The following MINK1 variants were observed in gnomAD, a reference collection of about 807,000 sequenced individuals.
The protein encoded by MINK1 is misshapen-like kinase 1.
In MINK1, 46 loss-of-function variants were observed where a neutral mutation model predicts 178.4. That is an observed-to-expected ratio of 0.26 (90% confidence interval 0.20 to 0.33). The LOEUF (loss-of-function observed/expected upper bound fraction) is 0.33, where lower values mean the gene tolerates loss of function less well. Among genes scored for constraint, MINK1 ranks in the 10% least tolerant of loss-of-function variants. The pLI is 1.00. For missense variants in MINK1, 1,366 were observed against 1,814.9 expected, an observed-to-expected ratio of 0.75 and a Z score of 4.49; for synonymous variants, 797 against 709.7, an observed-to-expected ratio of 1.12 and a Z score of -1.96.
At chr17:4,872,376 C>G (rs908993890) in intron 1 of MINK1, among the ~76,000 whole-genome samples, 1 of 151,642 alleles carries the variant, frequency 6.6e-6, no homozygotes, top group African/African-American at 2.4e-5. Flanking sequence ...TGGTGCCTCA[C>G]CCCTGTAATC....
chr17:4,861,194 G>A (rs1377717400), intron 1 of MINK1, among the ~76,000 whole-genome samples: 1 of 152,228 alleles, frequency 6.6e-6, no homozygotes, highest in African/African-American at 2.4e-5. Flanking sequence ...TGAGGCGAGT[G>A]CAGTGTCACC....
At chr17:4,864,926 C>T (rs370339541) in intron 1 of MINK1, among the ~76,000 whole-genome samples, 4 of 152,282 alleles carry the variant, frequency 2.6e-5, no homozygotes, top group African/African-American at 7.2e-5. Flanking sequence ...TTTCCTGGCT[C>T]CCCAGCCTCG....
intron 1 of MINK1, among the ~76,000 whole-genome samples, chr17:4,852,316 G>T (rs771229892): frequency 3.9e-5 from 6 of 152,122 alleles, no homozygotes; most frequent in Non-Finnish European, 7.4e-5. Context: ...ATTGAGGGCA[G>T]CCCTGACCTC....
At position 4,885,898 on chromosome 17, in the gene MINK1, T is replaced by G. The variant is rs754508882; in HGVS notation, c.640-13T>G. ...TCAGGAATATTCACTTGTTCCTTCT[T>G]TCCCGTCTATAGAGTGATATTTGGT... is the stretch of plus-strand genomic sequence containing the variant. On this transcript the variant is annotated splice_polypyrimidine_tract_variant and intron_variant, in intron 7 of 31. Coordinates refer to ENST00000355280, the MANE Select transcript of MINK1 (RefSeq NM_153827.5). The surrounding 1 kb of genome is among the most constrained non-coding windows in gnomAD (Gnocchi z 5.0). The G allele has an allele frequency of 6.2e-7, 1 of 1,613,460 alleles. No individual in the cohort carries two copies. Among genetic ancestry groups the G allele is most frequent in the Admixed American group, 1.7e-5 (1 of 60,008 alleles).
intron 1 of MINK1, among the ~76,000 whole-genome samples, chr17:4,878,003 G>A (rs1164976143): frequency 6.6e-6 from 1 of 151,810 alleles, no homozygotes; most frequent in African/African-American, 2.4e-5. Flanking sequence ...GTAGAGACGG[G>A]GTTTCACCGT....
At chr17:4,860,814 G>C (rs1299099237) in intron 1 of MINK1, 1 of 519,640 alleles carries the variant, frequency 1.9e-6, no homozygotes, top group Non-Finnish European at 3.9e-6. Context: ...TAACTGTACA[G>C]CACCAGTGCG....
At chr17:4,835,913 T>C (rs1240159941) in intron 1 of MINK1, among the ~76,000 whole-genome samples, 4 of 152,196 alleles carry the variant, frequency 2.6e-5, no homozygotes, top group African/African-American at 7.2e-5. Context: ...TGCTTCTGTC[T>C]GGCCTGCCTT....
chr17:4,839,575 C>T (rs1909866369), intron 1 of MINK1, among the ~76,000 whole-genome samples: 1 of 152,208 alleles, frequency 6.6e-6, no homozygotes, highest in Non-Finnish European at 1.5e-5. Flanking sequence ...AGCTCACGGC[C>T]ATTTGCTCTC....
At chr17:4,879,784 T>C (rs980025167) in intron 2 of MINK1, among the ~76,000 whole-genome samples, 2 of 152,234 alleles carry the variant, frequency 1.3e-5, no homozygotes, top group Non-Finnish European at 2.9e-5. Flanking sequence ...CATTAGCACA[T>C]GTCGGCGGGC....
rs755765014 is a variant in MINK1 at position 4,896,417 on chromosome 17, CCTT to C, written c.3616-9_3616-7del. On this transcript the variant is annotated splice_polypyrimidine_tract_variant and intron_variant, in intron 29 of 31. Transcript: ENST00000355280. The surrounding 1 kb of genome is among the most constrained non-coding windows in gnomAD (Gnocchi z 4.6). The stretch of plus-strand genomic sequence containing the variant: ...CAGACACGGAGACTCTAGTCCCCCT[CCTT>C]CTCCCCAGATCCAGAGCCAGATCAC... 75 of 1,613,510 alleles carry C rather than the reference CCTT, an allele frequency of 4.6e-5. No individual in the cohort carries two copies. The highest frequency in any genetic ancestry group is 5.5e-5 in the South Asian group (5 of 91,040).
intron 2 of MINK1, 77 bp from the exon 3 acceptor site, chr17:4,880,907 A>G (rs1157976199): frequency 2.5e-5 from 35 of 1,382,502 alleles, no homozygotes; most frequent in Non-Finnish European, 2.9e-5. Flanking sequence ...CTCAAAAAAA[A>G]AAGCTGTGTC....
intron 1 of MINK1, chr17:4,857,346 A>G (rs1439166091): frequency 6.2e-6 from 1 of 161,560 alleles, no homozygotes; most frequent in African/African-American, 2.4e-5. Flanking sequence ...GGTGAAAACC[A>G]AAGCATACTC....
rs76709161 is a variant in MINK1 at position 4,833,407 on chromosome 17, G to T, written c.-177G>T. Reference sequence around the variant, plus strand: ...TCGGGTGGCTGGCTCCGGGGAGATAGCGCCTGTCAGTCGGTGGGTCGGTCC... The same window carrying T: ...TCGGGTGGCTGGCTCCGGGGAGATATCGCCTGTCAGTCGGTGGGTCGGTCC... On this transcript the variant is annotated 5_prime_UTR_variant, in exon 1 of 32. Coordinates refer to ENST00000355280, the MANE Select transcript of MINK1 (RefSeq NM_153827.5). The surrounding 1 kb of genome is among the most constrained non-coding windows in gnomAD (Gnocchi z 4.8). 40 of 546,628 alleles carry T rather than the reference G, an allele frequency of 7.3e-5. No homozygotes were observed. The African/African-American group carries it at 7.7e-4, about 11-fold the overall frequency. The allele number at this position is 546,628 out of a possible 1,614,324, so 33.9% of individuals were successfully genotyped here.
rs1329832329 is a variant in MINK1 at position 4,881,267 on chromosome 17, GC to G, written c.306+16del. 5.3e-5 allele frequency: 81 copies of G among 1,535,962 alleles called. No homozygotes were observed. Among genetic ancestry groups the G allele is most frequent in the Non-Finnish European group, 7.1e-5 (81 of 1,146,390 alleles). On this transcript the variant is annotated intron_variant, in intron 4 of 31. Coordinates refer to ENST00000355280, the MANE Select transcript of MINK1 (RefSeq NM_153827.5). ...CGATGACCAGCTCTGGGTGAGAAAC[GC>G]CCCCCTGCCCGCCTTCCCTCCCCGC...
In MINK1 at chr17:4,884,365, G is replaced by C; in HGVS notation, c.309G>C (p.Leu103=). The change falls in exon 5 of 32, where the codon CTG becomes CTC. Residue 103 remains leucine, a splice_region_variant and synonymous_variant. Transcript: ENST00000355280. ...SPPGNDDQLW[L]VMEFCGAGSV... ...TCGGTACCTTCCTGGGATCCTAGCT[G>C]GTGATGGAGTTCTGTGGTGCTGGTT... The C allele has an allele frequency of 6.2e-7, 1 of 1,613,544 alleles. No homozygotes were observed. Among genetic ancestry groups the C allele is most frequent in the Non-Finnish European group, 8.5e-7 (1 of 1,179,510 alleles).
chr17:4,855,023 A>G (rs551716106), intron 1 of MINK1, among the ~76,000 whole-genome samples: 6 of 152,106 alleles, frequency 3.9e-5, no homozygotes, highest in African/African-American at 1.4e-4. Flanking sequence ...CCTGGCCAAC[A>G]TGGTGAAACC....
chr17:4,861,863 A>G (rs1567578026), intron 1 of MINK1, among the ~76,000 whole-genome samples: 1 of 152,196 alleles, frequency 6.6e-6, no homozygotes, highest in Non-Finnish European at 1.5e-5. Flanking sequence ...ATGCTTAGTA[A>G]TAGAAGCTCT....
At position 4,850,988 on chromosome 17, in the gene MINK1, C is replaced by T. The variant is rs368936957; in HGVS notation, c.57+17348C>T. The T allele has an allele frequency of 1.8e-3, 819 of 458,480 alleles. 18 individuals are homozygous for T. Among genetic ancestry groups the T allele is most frequent in the Admixed American group, 7.1e-4 (30 of 42,548 alleles). The allele number at this position is 458,480 out of a possible 1,614,324, so 28.4% of individuals were successfully genotyped here. A position where few individuals can be genotyped will look rare whatever the true frequency, so the allele number is the denominator to read the frequency against. Reference sequence around the variant, plus strand: ...TGCTTCCCAGGGACTGGCCCTCCTCCCTGCCCCTGTCAGCCTGCCTCCGAG... The same window carrying T: ...TGCTTCCCAGGGACTGGCCCTCCTCTCTGCCCCTGTCAGCCTGCCTCCGAG... On this transcript the variant is annotated intron_variant, in intron 1 of 31. Transcript: ENST00000355280.
intron 1 of MINK1, among the ~76,000 whole-genome samples, chr17:4,853,644 C>A (rs1248277407): frequency 6.6e-6 from 1 of 152,064 alleles, no homozygotes; most frequent in African/African-American, 2.4e-5. Flanking sequence ...CAGATGCAGT[C>A]ATGACTGTGA....
Sources: allele counts gnomAD v4.1 joint callset (sites outside exome capture counted in the v4.1 genomes callset), GRCh38; gene constraint gnomAD v4.1.1; non-coding constraint Gnocchi (gnomAD v3.1); transcripts MANE v1.5; gene names NCBI Gene and HGNC (gene_info 2026-07-23, HGNC 2026-07-21).